Variants in PLCB1 observed in about 807,000 individuals in gnomAD.
The protein encoded by PLCB1 is phospholipase C beta 1.
Under a neutral mutation model 161.8 loss-of-function variants are expected in PLCB1, and 46 were observed. The ratio of observed to expected loss-of-function variants is 0.28; its 90% confidence interval spans 0.22 to 0.36. The LOEUF (loss-of-function observed/expected upper bound fraction) is 0.36, where lower values mean the gene tolerates loss of function less well. PLCB1 is among the 10% of genes least tolerant of loss of function. PLCB1 has a pLI of 1.00. For missense variants in PLCB1, 1,016 were observed against 1,472.5 expected (o/e 0.69, Z 5.07); for synonymous variants, 517 against 503.7 (o/e 1.03, Z -0.35).
rs558212301 is a variant in PLCB1, at chr20:8,577,430, C to T, written c.247-50864C>T. On this transcript the variant is annotated intron_variant, in intron 3 of 31. Coordinates refer to ENST00000338037, the MANE Select transcript of PLCB1 (RefSeq NM_015192.4). The stretch of plus-strand genomic sequence containing the variant: ...TCCAGCCTGGGCAACAGAGCGAGAC[C>T]CTGTCTCAAAAAAAAAAAAAAAAAA... 4.8e-4 allele frequency among the ~76,000 whole-genome samples: 65 copies of T among 135,362 alleles called. 3 individuals are homozygous for T. The South Asian group carries it at 0.016, about 33-fold the overall frequency. 88.8% of individuals were successfully genotyped at this position (135,362 alleles called of 152,430 possible). A position where few individuals can be genotyped will look rare whatever the true frequency, so the allele number is the denominator to read the frequency against.
intron 2 of PLCB1, among the ~76,000 whole-genome samples, chr20:8,339,165 A>G (rs889298552): frequency 6.6e-6 from 1 of 152,206 alleles, no homozygotes; most frequent in Admixed American, 6.5e-5. Context: ...GCAATTAACT[A>G]GGAAGGGACT....
intron 2 of PLCB1, among the ~76,000 whole-genome samples, chr20:8,318,077 T>A (rs137906046): frequency 0.012 from 1,853 of 152,052 alleles, 41 homozygotes; most frequent in African/African-American, 0.043. Flanking sequence ...AATTCATAAG[T>A]AAAATGGCAG....
intron 2 of PLCB1, among the ~76,000 whole-genome samples, chr20:8,259,361 A>T (rs1981582541): frequency 6.6e-6 from 1 of 152,080 alleles, no homozygotes; most frequent in South Asian, 2.1e-4. Context: ...TAGTGCCTCT[A>T]ATTAGAGCAC....
intron 3 of PLCB1, among the ~76,000 whole-genome samples, chr20:8,577,496 C>T (rs1450516189): frequency 6.6e-6 from 1 of 150,854 alleles, no homozygotes; most frequent in African/African-American, 2.4e-5. Flanking sequence ...AAAAGCATTT[C>T]ACATTTTCCT....
At chr20:8,680,391 T>G (rs1373860596) in intron 9 of PLCB1, among the ~76,000 whole-genome samples, 1 of 152,230 alleles carries the variant, frequency 6.6e-6, no homozygotes, top group East Asian at 1.9e-4. Flanking sequence ...CAAATACTCT[T>G]GACCCCTTAG....
Position 8,761,976 on chromosome 20 carries a change from A to AGGGGG in PLCB1, c.2710+1520_2710+1524dup, listed in dbSNP as rs376412796. Among the ~76,000 whole-genome samples the AGGGGG allele has an allele frequency of 2.4e-3, 354 of 146,410 alleles. 4 individuals carry two copies. In the South Asian group the frequency reaches 0.031, roughly 13 times the overall value. On this transcript the variant is annotated intron_variant, in intron 25 of 31. Transcript: ENST00000338037. ...GTAATCCCAGTACCTGGGGAGGCCAAGGGGGGGGCGGATCACCTGAGGTCG... is the reference window on the plus strand; with the variant it reads ...GTAATCCCAGTACCTGGGGAGGCCAAGGGGGGGGGGGGGCGGATCACCTGAGGTCG...
chr20:8,252,064 A>C (rs1457359932), intron 2 of PLCB1, among the ~76,000 whole-genome samples: 1 of 151,954 alleles, frequency 6.6e-6, no homozygotes, highest in Admixed American at 6.6e-5. Flanking sequence ...AAAGATAGGA[A>C]GTAAGACGTA....
At chr20:8,861,079 C>T (rs1193536355) in intron 31 of PLCB1, among the ~76,000 whole-genome samples, 1 of 152,044 alleles carries the variant, frequency 6.6e-6, no homozygotes, top group Non-Finnish European at 1.5e-5. Flanking sequence ...AATGGGTGAG[C>T]AAAGGTGAGG....
intron 2 of PLCB1, among the ~76,000 whole-genome samples, chr20:8,199,646 AG>A (rs2052069691): frequency 6.6e-6 from 1 of 152,146 alleles, no homozygotes; most frequent in Non-Finnish European, 1.5e-5. Context: ...TTATATATTA[AG>A]GATCTTAATG....
chr20:8,734,106 C>A (rs1403346914), intron 19 of PLCB1, among the ~76,000 whole-genome samples: 1 of 109,604 alleles, frequency 9.1e-6, no homozygotes, highest in Non-Finnish European at 1.7e-5. Context: ...CCAGCCTGGG[C>A]GACAGAGCGA....
intron 2 of PLCB1, among the ~76,000 whole-genome samples, chr20:8,340,790 C>T (rs1985780327): frequency 6.6e-6 from 1 of 152,182 alleles, no homozygotes; most frequent in Non-Finnish European, 1.5e-5. Flanking sequence ...GGCCGAATAC[C>T]TAAACACTAT....
chr20:8,397,462 A>G (rs1017434478), intron 3 of PLCB1, among the ~76,000 whole-genome samples: 1 of 152,120 alleles, frequency 6.6e-6, no homozygotes, highest in Non-Finnish European at 1.5e-5. Flanking sequence ...AGCATTCAAA[A>G]TTATATAAAG....
In PLCB1 at chr20:8,721,689, C is replaced by T. The variant is rs190446448; in HGVS notation, c.1514-665C>T. Among the ~76,000 whole-genome samples the T allele has an allele frequency of 2.0e-5, 3 of 152,294 alleles. No individual in the cohort carries two copies. The East Asian group carries it at 5.8e-4, about 29-fold the overall frequency. On this transcript the variant is annotated intron_variant, in intron 14 of 31. Coordinates refer to ENST00000338037, the MANE Select transcript of PLCB1 (RefSeq NM_015192.4). ...TCAGCATTTTCTACGATATGCACTT[C>T]GTTGTGATGACAATACATCCATCAA... is the stretch of plus-strand genomic sequence containing the variant.
chr20:8,488,220 CTTAACCATTGCAGAAGTGAA>C (rs1982810648), intron 3 of PLCB1, among the ~76,000 whole-genome samples: 1 of 152,054 alleles, frequency 6.6e-6, no homozygotes, highest in African/African-American at 2.4e-5. Context: ...GAATGTAAAT[CTTAACCATTGCAGAAGTGAA>C]TTAAACATGT....
chr20:8,383,420 A>G (rs542404428), intron 3 of PLCB1, among the ~76,000 whole-genome samples: 89 of 152,064 alleles, frequency 5.9e-4, no homozygotes, highest in African/African-American at 1.8e-3. Context: ...TTTTGAGCCT[A>G]TATGTGTCTT....
chr20:8,661,742 G>A (rs1016966606), intron 9 of PLCB1, among the ~76,000 whole-genome samples: 5 of 150,866 alleles, frequency 3.3e-5, no homozygotes, highest in Non-Finnish European at 4.4e-5. Flanking sequence ...ACTGTTTAAA[G>A]CAGGCCAAAT....
At chr20:8,306,108 T>C (rs1984124181) in intron 2 of PLCB1, among the ~76,000 whole-genome samples, 1 of 152,112 alleles carries the variant, frequency 6.6e-6, no homozygotes, top group Non-Finnish European at 1.5e-5. Flanking sequence ...TCATTTGAAG[T>C]TTAAACACTC....
At chr20:8,722,569 G>A in intron 15 of PLCB1, 148 bp downstream of exon 15, 2 of 494,190 alleles carry the variant, frequency 4.0e-6, no homozygotes, top group Non-Finnish European at 3.6e-6. Flanking sequence ...CAATTAAATG[G>A]CTTATGAAAT....
intron 31 of PLCB1, among the ~76,000 whole-genome samples, chr20:8,879,040 A>T (rs1470765689): frequency 1.3e-5 from 2 of 152,224 alleles, no homozygotes; most frequent in African/African-American, 4.8e-5. Flanking sequence ...GCTCCCACTT[A>T]TAAGTGAGAC....
Sources: allele counts gnomAD v4.1 joint callset (sites outside exome capture counted in the v4.1 genomes callset), GRCh38; gene constraint gnomAD v4.1.1; transcripts MANE v1.5; gene names NCBI Gene and HGNC (gene_info 2026-07-23, HGNC 2026-07-21).